Variants in ADCY2 observed in about 807,000 individuals in gnomAD.
The protein encoded by ADCY2 is adenylate cyclase type 2.
A neutral mutation model predicts 125.2 loss-of-function variants in ADCY2; 31 were observed. The ratio of observed to expected loss-of-function variants is 0.25; its 90% CI spans 0.19 to 0.33. The LOEUF (loss-of-function observed/expected upper bound fraction) is 0.33. Ranked by LOEUF, ADCY2 falls within the 10% of genes least tolerant of loss-of-function variation. The pLI is 1.00. For synonymous variants in ADCY2, 512 were observed against 548.4 expected, an observed-to-expected ratio of 0.93 and a Z score of 0.93; for missense variants, 904 against 1,418.2, an observed-to-expected ratio of 0.64 and a Z score of 5.82.
intron 3 of ADCY2, among the ~76,000 whole-genome samples, chr5:7,529,244 ACTT>A (rs1554017139): frequency 7.4e-5 from 11 of 148,520 alleles, no homozygotes; most frequent in African/African-American, 1.5e-4. Context: ...AGGAATGAGG[ACTT>A]AATGAAAAGG....
chr5:7,641,491 A>G (rs1364552409), intron 4 of ADCY2, among the ~76,000 whole-genome samples: 1 of 152,120 alleles, frequency 6.6e-6, no homozygotes, highest in African/African-American at 2.4e-5. Flanking sequence ...GTCAAGATAT[A>G]TATATATCTC....
At chr5:7,506,973 C>A (rs143228661) in intron 2 of ADCY2, among the ~76,000 whole-genome samples, 2 of 148,406 alleles carry the variant, frequency 1.3e-5, no homozygotes, top group African/African-American at 4.9e-5. Flanking sequence ...ATTTTTAGTA[C>A]AGACGGGGTT....
At chr5:7,777,329 C>A (rs1165563144) in intron 18 of ADCY2, among the ~76,000 whole-genome samples, 1 of 152,196 alleles carries the variant, frequency 6.6e-6, no homozygotes, top group African/African-American at 2.4e-5. Context: ...AAGATCTGAA[C>A]TAAATACCAT....
chr5:7,468,200 A>G (rs896800503), intron 2 of ADCY2, among the ~76,000 whole-genome samples: 11 of 152,202 alleles, frequency 7.2e-5, no homozygotes, highest in African/African-American at 2.7e-4. Flanking sequence ...AGCCTTTTGA[A>G]GAACATACTT....
chr5:7,656,281 T>C (rs1373358223), intron 4 of ADCY2, among the ~76,000 whole-genome samples: 2 of 152,170 alleles, frequency 1.3e-5, no homozygotes. Context: ...CTCGAACTCC[T>C]GACCTCAGGT....
At chr5:7,593,642 A>G (rs1411166725) in intron 3 of ADCY2, among the ~76,000 whole-genome samples, 3 of 152,234 alleles carry the variant, frequency 2.0e-5, no homozygotes, top group African/African-American at 7.2e-5. Context: ...ATACTGACCC[A>G]AACAGATACA....
At chr5:7,566,389 G>C (rs551466531) in intron 3 of ADCY2, among the ~76,000 whole-genome samples, 7 of 152,264 alleles carry the variant, frequency 4.6e-5, no homozygotes, top group African/African-American at 1.7e-4. Context: ...CCAGCTACTT[G>C]GGTGGCCAAG....
At position 7,826,780 on chromosome 5, in the gene ADCY2, T is replaced by C; in HGVS notation, c.3185T>C (p.Ile1062Thr). 1 of 1,614,082 alleles carries C rather than the reference T, an allele frequency of 6.2e-7. No individual in the cohort carries two copies. The highest frequency in any genetic ancestry group is 1.1e-5 in the South Asian group (1 of 91,066). The change falls in exon 25 of 25, where the codon ATA becomes ACA. Residue 1062 changes from isoleucine to threonine, a missense_variant. Ile to Thr is a moderately conservative substitution (Grantham distance 89). Around this residue, in one of 7 missense-constraint regions of ADCY2, gnomAD observed 181 missense variants for 381.6 expected, o/e 0.47. Coordinates refer to ENST00000338316, the MANE Select transcript of ADCY2 (RefSeq NM_020546.3). ...TLGYTCTCRG[I>T]INVKGKGDLK... ...GGATACACGTGCACCTGTCGAGGAATAATCAACGTGAAAGGAAAGGGGGAC... is the reference window on the plus strand; with the variant it reads ...GGATACACGTGCACCTGTCGAGGAACAATCAACGTGAAAGGAAAGGGGGAC...
intron 2 of ADCY2, among the ~76,000 whole-genome samples, chr5:7,458,234 A>G (rs1337021280): frequency 6.6e-6 from 1 of 152,182 alleles, no homozygotes; most frequent in Non-Finnish European, 1.5e-5. Context: ...TAATTAATGA[A>G]CTTTGGACCA....
intron 3 of ADCY2, among the ~76,000 whole-genome samples, chr5:7,614,710 G>T (rs535602730): frequency 4.6e-5 from 7 of 152,180 alleles, no homozygotes; most frequent in African/African-American, 1.7e-4. Flanking sequence ...CAAGTGGGAG[G>T]CATGGCCAGG....
At chr5:7,513,110 G>T (rs199894229) in intron 2 of ADCY2, among the ~76,000 whole-genome samples, 2 of 78,382 alleles carry the variant, frequency 2.6e-5, no homozygotes, top group African/African-American at 9.5e-5. Context: ...CACACACAGA[G>T]AGAGAGAGAG....
At chr5:7,673,325 G>T (rs542418757) in intron 4 of ADCY2, among the ~76,000 whole-genome samples, 110 of 127,496 alleles carry the variant, frequency 8.6e-4, no homozygotes, top group African/African-American at 3.0e-3. Flanking sequence ...TGTGGTCCCA[G>T]CATCTCAGGA....
chr5:7,657,345 C>T (rs1286563678), intron 4 of ADCY2, among the ~76,000 whole-genome samples: 2 of 152,330 alleles, frequency 1.3e-5, no homozygotes, highest in African/African-American at 4.8e-5. Context: ...TCCTTCATCA[C>T]GCATACTTTT....
At chr5:7,513,604 A>G (rs936246270) in intron 2 of ADCY2, among the ~76,000 whole-genome samples, 3 of 152,206 alleles carry the variant, frequency 2.0e-5, no homozygotes, top group African/African-American at 7.2e-5. Context: ...CTTAGAACTT[A>G]CCATTAAGAA....
chr5:7,737,566 A>G (rs1742286423), intron 14 of ADCY2, among the ~76,000 whole-genome samples: 1 of 152,190 alleles, frequency 6.6e-6, no homozygotes, highest in Admixed American at 6.5e-5. Context: ...ACATTTGACA[A>G]AGAGTCTGTG....
At chr5:7,450,846 T>A (rs1741445429) in intron 2 of ADCY2, among the ~76,000 whole-genome samples, 2 of 152,186 alleles carry the variant, frequency 1.3e-5, no homozygotes, top group African/African-American at 4.8e-5. Flanking sequence ...ACTCTATAAA[T>A]GGAACAACAA....
intron 19 of ADCY2, among the ~76,000 whole-genome samples, chr5:7,788,143 G>C (rs1044707140): frequency 6.6e-6 from 1 of 152,078 alleles, no homozygotes; most frequent in African/African-American, 2.4e-5. Context: ...TGGCATGAAC[G>C]TGAAACTTTA....
At position 7,585,021 on chromosome 5, in the gene ADCY2, T is replaced by A. The variant is rs559236897; in HGVS notation, c.571-41146T>A. 4.7e-4 allele frequency among the ~76,000 whole-genome samples: 71 copies of A among 152,200 alleles called. 1 individual carries two copies. The South Asian group carries it at 0.015, about 31-fold the overall frequency. ...AACAACTGAAAATCTAAAAATAATATTTGATTTATGAAAAAGTATATTACA... is the reference window on the plus strand; with the variant it reads ...AACAACTGAAAATCTAAAAATAATAATTGATTTATGAAAAAGTATATTACA... On this transcript the variant is annotated intron_variant, in intron 3 of 24. Coordinates refer to ENST00000338316, the MANE Select transcript of ADCY2 (RefSeq NM_020546.3).
chr5:7,491,166 T>C (rs1466032211), intron 2 of ADCY2, among the ~76,000 whole-genome samples: 1 of 152,252 alleles, frequency 6.6e-6, no homozygotes, highest in African/African-American at 2.4e-5. Flanking sequence ...CAAATTATAA[T>C]TTTATCTATT....
Sources: gnomAD v4.1 joint callset for allele counts (sites outside exome capture counted in the v4.1 genomes callset) on GRCh38, gnomAD v4.1.1 for gene constraint, gnomAD v4.1.1 regional missense constraint, MANE v1.5 for transcripts, NCBI Gene and HGNC (gene_info 2026-07-23, HGNC 2026-07-21) for gene names.